Variants in LRRN2 observed in about 807,000 individuals in gnomAD.
LRRN2 encodes the protein leucine rich repeat neuronal 2.
In LRRN2, 10 loss-of-function variants were observed where a neutral mutation model predicts 35.7. The observed-to-expected ratio is 0.28, with a 90% CI of 0.17 to 0.47. The LOEUF (loss-of-function observed/expected upper bound fraction) is 0.47. Among genes scored for constraint, LRRN2 ranks in the 20% least tolerant of loss-of-function variants. The pLI is 0.99. For missense variants in LRRN2, 731 were observed against 940.3 expected (o/e 0.78, Z 2.91); for synonymous variants, 391 against 409.6 (o/e 0.95, Z 0.55).
At chr1:204,631,258 ATATATAT>A (rs1558407648) in intron 1 of LRRN2, among the ~76,000 whole-genome samples, 864 of 38,944 alleles carry the variant, frequency 0.022, 134 homozygotes, top group East Asian at 0.12. Flanking sequence ...AGAGTGTTCT[ATATATAT>A]ATATATATAT....
chr1:204,676,891 G>A (rs769052581), intron 1 of LRRN2, among the ~76,000 whole-genome samples: 1 of 152,140 alleles, frequency 6.6e-6, no homozygotes, highest in African/African-American at 2.4e-5. Flanking sequence ...AGAAAGATTT[G>A]GGGGCTGAAT....
Position 204,638,481 on chromosome 1 carries a change from G to A in LRRN2, c.-226-18263C>T, listed in dbSNP as rs182447452. ...GGCTGGAGTGCAGTGGTGCGATCTC[G>A]GTTCACTGCAACCTCCGCCCTCTAG... On this transcript the variant is annotated intron_variant, in intron 1 of 1. Transcript: ENST00000367177. 1.4e-4 allele frequency among the ~76,000 whole-genome samples: 19 copies of A among 140,378 alleles called. No homozygotes were observed. The East Asian group carries it at 3.6e-3, about 27-fold the overall frequency. The allele number at this position is 140,378 out of a possible 152,430, so 92.1% of individuals were successfully genotyped here.
At chr1:204,665,427 C>A (rs1165481604) in intron 1 of LRRN2, among the ~76,000 whole-genome samples, 3 of 152,136 alleles carry the variant, frequency 2.0e-5, no homozygotes, top group Non-Finnish European at 4.4e-5. Flanking sequence ...GGTATGAGCA[C>A]CCCCACAGCC....
At chr1:204,662,222 G>A (rs1477737754) in intron 1 of LRRN2, among the ~76,000 whole-genome samples, 1 of 152,216 alleles carries the variant, frequency 6.6e-6, no homozygotes, top group Non-Finnish European at 1.5e-5. Flanking sequence ...GATAGTCTGA[G>A]CATTTGAAAA....
At chr1:204,631,254 T>TTATATATATATATA (rs1558407588) in intron 1 of LRRN2, among the ~76,000 whole-genome samples, 1 of 9,924 alleles carries the variant, frequency 1.0e-4, no homozygotes, top group African/African-American at 2.5e-4. Context: ...ACCTAGAGTG[T>TTATATATATATATA]TCTATATATA....
chr1:204,674,795 T>C (rs1668787851), intron 1 of LRRN2, among the ~76,000 whole-genome samples: 2 of 152,156 alleles, frequency 1.3e-5, no homozygotes, highest in South Asian at 4.1e-4. Flanking sequence ...CTGGGCTGGC[T>C]GCGGATGTTT....
At chr1:204,678,655 C>T (rs1218799944) in intron 1 of LRRN2, among the ~76,000 whole-genome samples, 1 of 152,166 alleles carries the variant, frequency 6.6e-6, no homozygotes, top group Non-Finnish European at 1.5e-5. Flanking sequence ...ACTCTCCAGG[C>T]ACAGCCCTGC....
chr1:204,669,439 T>C (rs1668660894), intron 1 of LRRN2, among the ~76,000 whole-genome samples: 1 of 152,190 alleles, frequency 6.6e-6, no homozygotes, highest in African/African-American at 2.4e-5. Flanking sequence ...ACAGATAGGG[T>C]CTCTACCCTC....
chr1:204,637,026 G>A (rs1051620513), intron 1 of LRRN2, among the ~76,000 whole-genome samples: 2 of 152,144 alleles, frequency 1.3e-5, no homozygotes, highest in African/African-American at 4.8e-5. Flanking sequence ...ATAGAGGAAT[G>A]GATAGTTGGA....
chr1:204,678,285 C>T (rs1489698431), intron 1 of LRRN2, among the ~76,000 whole-genome samples: 1 of 152,072 alleles, frequency 6.6e-6, no homozygotes. Context: ...TTTTTTATTT[C>T]CTTCCCAACC....
chr1:204,671,220 G>A (rs1231932127), intron 1 of LRRN2, among the ~76,000 whole-genome samples: 1 of 152,016 alleles, frequency 6.6e-6, no homozygotes, highest in Non-Finnish European at 1.5e-5. Context: ...TGAAGTGGGA[G>A]GTGAGGTCCT....
Position 204,619,696 on chromosome 1 carries a change from G to T in LRRN2, c.297C>A (p.Asp99Glu). 6.2e-7 allele frequency: 1 copy of T among 1,614,206 alleles called. No individual in the cohort carries two copies. The highest frequency in any genetic ancestry group is 8.5e-7 in the Non-Finnish European group (1 of 1,180,008). The part of the protein sequence containing the change: ...LGYLANLTEL[D>E]LSQNSFSDAR... ...CATCCGAAAAGCTGTTCTGGGACAG[G>T]TCCAGCTCTGTGAGATTGGCCAGGT... is the stretch of plus-strand genomic sequence containing the variant. The change falls in exon 2 of 2, where the codon GAC (aspartate) becomes GAA (glutamate). Residue 99 changes from aspartate (D) to glutamate (E), a missense_variant. Transcript: ENST00000367177.
chr1:204,652,297 T>G (rs12565010), intron 1 of LRRN2, among the ~76,000 whole-genome samples: 48,590 of 102,514 alleles, frequency 0.47, 9,907 homozygotes, highest in Admixed American at 0.59. Flanking sequence ...CCTCCTTGCC[T>G]CCCTGAACCA....
At position 204,652,377 on chromosome 1, in the gene LRRN2, G is replaced by A. The variant is rs148722370; in HGVS notation, c.-226-32159C>T. 6.6e-3 allele frequency among the ~76,000 whole-genome samples: 1,001 copies of A among 150,800 alleles called. 14 individuals carry two copies. The highest frequency in any genetic ancestry group is 0.023 in the African/African-American group (945 of 41,138). On this transcript the variant is annotated intron_variant, in intron 1 of 1. Coordinates refer to ENST00000367177, the MANE Select transcript of LRRN2 (RefSeq NM_201630.2). ...GCTGGTCACCTCCCAGCGCTGTTTC[G>A]AGTCAGGTAAGAGGCAGCTGTTTAG...
chr1:204,654,729 G>A (rs550291969), intron 1 of LRRN2, among the ~76,000 whole-genome samples: 2 of 152,308 alleles, frequency 1.3e-5, no homozygotes, highest in South Asian at 4.1e-4. Context: ...TCCATCATTG[G>A]CATTAACCAG....
chr1:204,658,959 C>T (rs1226079044), intron 1 of LRRN2, among the ~76,000 whole-genome samples: 3 of 152,280 alleles, frequency 2.0e-5, no homozygotes, highest in African/African-American at 4.8e-5. Flanking sequence ...AAGTGGCAGT[C>T]GCTGGTATTC....
intron 1 of LRRN2, among the ~76,000 whole-genome samples, chr1:204,673,022 G>A (rs913210399): frequency 6.6e-6 from 1 of 152,094 alleles, no homozygotes; most frequent in Non-Finnish European, 1.5e-5. Context: ...ATACATGGTT[G>A]ACCGAGGGCC....
chr1:204,644,263 C>T (rs2102603890), intron 1 of LRRN2, among the ~76,000 whole-genome samples: 1 of 152,310 alleles, frequency 6.6e-6, no homozygotes, highest in Middle Eastern at 3.4e-3. Context: ...TGAAGCTCTC[C>T]TTACAGTGCT....
chr1:204,618,279 G>C lies in LRRN2; in HGVS notation c.1714C>G (p.Leu572Val). 1 of 1,606,442 alleles carries C rather than the reference G, an allele frequency of 6.2e-7. No homozygotes were observed. The highest frequency in any genetic ancestry group is 1.3e-5 in the African/African-American group (1 of 75,006). Residue 572 changes from leucine (L) to valine (V), a missense_variant, in exon 2 of 2, where the codon CTG becomes GTG. Leu to Val is a conservative substitution (Grantham distance 32, BLOSUM62 1). Transcript: ENST00000367177. ...SSLRGQGATA[L>V]ARLPRGTHSY... ...TGGGTTCCCCGAGGCAGGCGGGCCAGAGCTGTGGCCCCCTGGCCCCGGAGG... is the reference window on the plus strand; with the variant it reads ...TGGGTTCCCCGAGGCAGGCGGGCCACAGCTGTGGCCCCCTGGCCCCGGAGG...
Sources: gnomAD v4.1 joint callset for allele counts (sites outside exome capture counted in the v4.1 genomes callset) on GRCh38, gnomAD v4.1.1 for gene constraint, MANE v1.5 for transcripts, NCBI Gene and HGNC (gene_info 2026-07-23, HGNC 2026-07-21) for gene names.